The following ADAMTS18 variants were observed in gnomAD, a reference collection of about 807,000 sequenced individuals.
ADAMTS18 encodes A disintegrin and metalloproteinase with thrombospondin motifs 18.
ADAMTS18 carries 157 observed loss-of-function variants against 165.9 expected under a neutral mutation model. That is an observed-to-expected ratio of 0.95 (90% CI 0.83 to 1.08). ADAMTS18 has a LOEUF of 1.08. ADAMTS18 is among the 50% of genes least tolerant of loss of function. ADAMTS18 has a pLI of 0.00. For synonymous variants in ADAMTS18, 782 were observed against 578.2 expected (o/e 1.35, Z -5.06); for missense variants, 2,040 against 1,534.0 (o/e 1.33, Z -5.51).
chr16:77,386,922 G>C (rs1171223065), intron 3 of ADAMTS18, among the ~76,000 whole-genome samples: 1 of 152,126 alleles, frequency 6.6e-6, no homozygotes, highest in Non-Finnish European at 1.5e-5. Flanking sequence ...CTGTCCTACA[G>C]CAACAAACTA....
chr16:77,419,476 G>T (rs2057573090), intron 3 of ADAMTS18, among the ~76,000 whole-genome samples: 1 of 152,084 alleles, frequency 6.6e-6, no homozygotes, highest in African/African-American at 2.4e-5. Context: ...TTTCTCATAT[G>T]CTAAACCCCT....
chr16:77,380,741 C>T (rs1391912023), intron 3 of ADAMTS18, among the ~76,000 whole-genome samples: 8 of 152,166 alleles, frequency 5.3e-5, no homozygotes, highest in African/African-American at 1.9e-4. Context: ...TCTTATTCTC[C>T]CTGCCTTCCT....
intron 3 of ADAMTS18, among the ~76,000 whole-genome samples, chr16:77,408,582 G>C (rs1356558783): frequency 6.6e-6 from 1 of 152,112 alleles, no homozygotes; most frequent in Non-Finnish European, 1.5e-5. Flanking sequence ...TTGAGCAAAA[G>C]AAACTCGACA....
At chr16:77,408,132 T>G (rs2144822274) in intron 3 of ADAMTS18, among the ~76,000 whole-genome samples, 1 of 152,198 alleles carries the variant, frequency 6.6e-6, no homozygotes, top group Non-Finnish European at 1.5e-5. Context: ...TCTTTAGTCA[T>G]CAGAGAGACA....
At chr16:77,413,486 T>A (rs1291686983) in intron 3 of ADAMTS18, among the ~76,000 whole-genome samples, 1 of 152,170 alleles carries the variant, frequency 6.6e-6, no homozygotes, top group Non-Finnish European at 1.5e-5. Context: ...ACAGGTTAAC[T>A]AAAATTTCTG....
At position 77,367,373 on chromosome 16, in the gene ADAMTS18, C is replaced by G. The variant is rs546954813; in HGVS notation, c.778+68G>C. ...TTTTGACTTGCAAAGCTTGTACACC[C>G]AACAGCACTCAGGAAAACCTGTCGA... On this transcript the variant is annotated intron_variant, in intron 4 of 22. Transcript: ENST00000282849. 36 of 1,596,056 alleles carry G rather than the reference C, an allele frequency of 2.3e-5. No homozygotes were observed. In the Admixed American group the frequency reaches 5.4e-4, roughly 24 times the overall value.
chr16:77,366,858 A>G (rs1427041774), intron 4 of ADAMTS18, among the ~76,000 whole-genome samples: 1 of 152,242 alleles, frequency 6.6e-6, no homozygotes, highest in African/African-American at 2.4e-5. Flanking sequence ...ATGTTGGGTT[A>G]AATAAAATGT....
At chr16:77,424,188 G>GCAGT (rs2057641523) in intron 3 of ADAMTS18, among the ~76,000 whole-genome samples, 1 of 152,216 alleles carries the variant, frequency 6.6e-6, no homozygotes, top group African/African-American at 2.4e-5. Context: ...AGGCAGGCAG[G>GCAGT]CCGGGCGCGG....
intron 3 of ADAMTS18, among the ~76,000 whole-genome samples, 186 bp from the exon 4 acceptor site, chr16:77,367,909 C>T (rs1405489197): frequency 6.6e-6 from 1 of 152,168 alleles, no homozygotes; most frequent in Non-Finnish European, 1.5e-5. Flanking sequence ...ACAGGTCTCA[C>T]TTTAAAACCA....
chr16:77,285,815 A>C (rs1039594183), intron 22 of ADAMTS18, among the ~76,000 whole-genome samples: 3 of 152,162 alleles, frequency 2.0e-5, no homozygotes, highest in Non-Finnish European at 4.4e-5. Flanking sequence ...CTCAATCTTT[A>C]AAATGCACCC....
chr16:77,307,081 C>T (rs1013339330), intron 16 of ADAMTS18, among the ~76,000 whole-genome samples: 1 of 152,234 alleles, frequency 6.6e-6, no homozygotes, highest in African/African-American at 2.4e-5. Context: ...AACATACTGG[C>T]ATCTAATTTA....
chr16:77,409,235 A>G (rs2057430664), intron 3 of ADAMTS18, among the ~76,000 whole-genome samples: 1 of 152,146 alleles, frequency 6.6e-6, no homozygotes, highest in South Asian at 2.1e-4. Context: ...TTAAAGCAGA[A>G]ACTGAAATAT....
At chr16:77,426,091 T>A (rs2057668642) in intron 3 of ADAMTS18, among the ~76,000 whole-genome samples, 1 of 151,820 alleles carries the variant, frequency 6.6e-6, no homozygotes, top group Admixed American at 6.6e-5. Flanking sequence ...AGTGGTCAAA[T>A]TAGTATGGAA....
intron 21 of ADAMTS18, chr16:77,290,519 C>T (rs1276400337): frequency 2.6e-5 from 4 of 152,302 alleles, no homozygotes; most frequent in African/African-American, 7.2e-5. Context: ...TCCTCTCATC[C>T]ATGTGTTGGT....
intron 3 of ADAMTS18, among the ~76,000 whole-genome samples, chr16:77,402,040 T>C (rs991425466): frequency 1.3e-5 from 2 of 152,154 alleles, no homozygotes; most frequent in Admixed American, 6.5e-5. Context: ...AGACAGCATA[T>C]TGTGGAAATT....
intron 3 of ADAMTS18, among the ~76,000 whole-genome samples, chr16:77,402,115 T>C (rs1183755478): frequency 2.0e-5 from 3 of 152,162 alleles, no homozygotes; most frequent in Non-Finnish European, 2.9e-5. Context: ...ACCTACCTAA[T>C]TGTATGTCCT....
chr16:77,387,139 G>A (rs1025879405), intron 3 of ADAMTS18, among the ~76,000 whole-genome samples: 1 of 152,200 alleles, frequency 6.6e-6, no homozygotes, highest in African/African-American at 2.4e-5. Context: ...ACATGTAACT[G>A]AGAGATAAAT....
At chr16:77,302,004 CTTTTTTT>C (rs4038557) in intron 16 of ADAMTS18, among the ~76,000 whole-genome samples, 2 of 128,814 alleles carry the variant, frequency 1.6e-5, no homozygotes, top group African/African-American at 2.9e-5. Flanking sequence ...CTAGTCTTTG[CTTTTTTT>C]TTTTTTTTTT....
chr16:77,380,029 A>G (rs1431792492), intron 3 of ADAMTS18, among the ~76,000 whole-genome samples: 1 of 152,172 alleles, frequency 6.6e-6, no homozygotes, highest in Non-Finnish European at 1.5e-5. Flanking sequence ...ACTAGAAAAA[A>G]GGTTCCAAAA....
Sources: gnomAD v4.1 joint callset for allele counts (sites outside exome capture counted in the v4.1 genomes callset) on GRCh38, gnomAD v4.1.1 for gene constraint, MANE v1.5 for transcripts, NCBI Gene and HGNC (gene_info 2026-07-23, HGNC 2026-07-21) for gene names.